Variants in WDPCP observed in about 807,000 individuals in gnomAD.
WDPCP encodes WD repeat-containing and planar cell polarity effector protein fritz homolog.
WDPCP carries 71 observed loss-of-function variants against 93.1 expected under a neutral mutation model. The observed-to-expected ratio is 0.76, with a 90% confidence interval of 0.63 to 0.93. The LOEUF (loss-of-function observed/expected upper bound fraction) is 0.93, where lower values mean the gene tolerates loss of function less well. Ranked by LOEUF, WDPCP falls within the 40% of genes least tolerant of loss-of-function variation. The probability of loss-of-function intolerance (pLI) is 0.00; values close to 1 mark genes in which losing one functional copy is unlikely to be tolerated. For missense variants in WDPCP, 844 were observed against 887.4 expected, an observed-to-expected ratio of 0.95 and a Z score of 0.62; for synonymous variants, 315 against 315.0, an observed-to-expected ratio of 1.00 and a Z score of 0.00.
At chr2:63,767,671 G>T (rs1254393762) in intron 2 of WDPCP, among the ~76,000 whole-genome samples, 1 of 151,992 alleles carries the variant, frequency 6.6e-6, no homozygotes, top group African/African-American at 2.4e-5. Flanking sequence ...TATCTTATCT[G>T]TAGGTTTATT....
chr2:63,332,634 A>C (rs913676019), intron 12 of WDPCP, among the ~76,000 whole-genome samples: 4 of 152,182 alleles, frequency 2.6e-5, no homozygotes, highest in Admixed American at 2.0e-4. Flanking sequence ...ACAATACTCT[A>C]ATCAGATACT....
intron 13 of WDPCP, among the ~76,000 whole-genome samples, chr2:63,278,393 G>C (rs1231261824): frequency 1.3e-5 from 2 of 152,030 alleles, no homozygotes; most frequent in African/African-American, 2.4e-5. Flanking sequence ...ACCAGCAGAA[G>C]AAAAGAAGTA....
chr2:63,481,033 T>C (rs558088801), intron 6 of WDPCP, among the ~76,000 whole-genome samples: 1 of 150,808 alleles, frequency 6.6e-6, no homozygotes, highest in Non-Finnish European at 1.5e-5. Flanking sequence ...CTCAAACAAA[T>C]CAGTAAGAAA....
chr2:63,440,956 T>C (rs1229513976), intron 6 of WDPCP: 1 of 152,172 alleles, frequency 6.6e-6, no homozygotes. Flanking sequence ...ACCAGGGTAA[T>C]ATAAAGACAG....
chr2:63,420,534 CA>C (rs11287367), intron 9 of WDPCP, among the ~76,000 whole-genome samples: 46,641 of 123,126 alleles, frequency 0.38, 8,188 homozygotes, highest in East Asian at 0.67. Flanking sequence ...AACTCCATCT[CA>C]AAAAAAAAAA....
At chr2:63,326,160 C>T (rs1300379764) in intron 12 of WDPCP, among the ~76,000 whole-genome samples, 1 of 152,224 alleles carries the variant, frequency 6.6e-6, no homozygotes, top group African/African-American at 2.4e-5. Flanking sequence ...ATAACAGGCG[C>T]TACTCCTTGA....
intron 1 of WDPCP, among the ~76,000 whole-genome samples, chr2:63,526,223 C>G (rs1038013982): frequency 6.6e-6 from 1 of 152,150 alleles, no homozygotes; most frequent in Non-Finnish European, 1.5e-5. Flanking sequence ...TCTACTTTCA[C>G]GTACAGTTGT....
At chr2:63,358,475 C>G (rs1217606932) in intron 12 of WDPCP, among the ~76,000 whole-genome samples, 2 of 152,114 alleles carry the variant, frequency 1.3e-5, no homozygotes, top group Admixed American at 1.3e-4. Flanking sequence ...AGATCTCTTA[C>G]TCTTTGGTAG....
At chr2:63,381,803 A>T in intron 11 of WDPCP, 103 bp downstream of exon 11, 1 of 1,195,600 alleles carries the variant, frequency 8.4e-7, no homozygotes. Context: ...TTTATCATTT[A>T]ATCTCCAATA....
At chr2:63,230,550 C>T (rs1183614701) in intron 14 of WDPCP, among the ~76,000 whole-genome samples, 5 of 152,252 alleles carry the variant, frequency 3.3e-5, no homozygotes, top group African/African-American at 1.2e-4. Flanking sequence ...TACAGTCCCA[C>T]CAACAGTGTA....
chr2:63,412,662 G>C (rs1476685955), intron 9 of WDPCP, among the ~76,000 whole-genome samples: 7 of 151,958 alleles, frequency 4.6e-5, no homozygotes, highest in Non-Finnish European at 8.8e-5. Flanking sequence ...TCCTAGAACT[G>C]ATAAAAGAAT....
chr2:63,240,341 C>T (rs916512929), intron 14 of WDPCP, among the ~76,000 whole-genome samples: 2 of 152,034 alleles, frequency 1.3e-5, no homozygotes, highest in African/African-American at 4.8e-5. Context: ...CCACCCCGAG[C>T]TAGCTTTAAA....
chr2:63,671,055 C>T (rs2106635193), intron 2 of WDPCP, among the ~76,000 whole-genome samples: 2 of 152,296 alleles, frequency 1.3e-5, no homozygotes, highest in East Asian at 3.9e-4. Flanking sequence ...TGTCCCTACT[C>T]AGGCTCAGCT....
intron 3 of WDPCP, among the ~76,000 whole-genome samples, chr2:63,644,362 G>A (rs1710022888): frequency 1.3e-5 from 2 of 150,266 alleles, no homozygotes; most frequent in South Asian, 4.2e-4. Flanking sequence ...CTCTGCCTCA[G>A]GTTCCCGAGT....
chr2:63,678,673 C>A (rs1001335267), intron 2 of WDPCP, among the ~76,000 whole-genome samples: 1 of 152,212 alleles, frequency 6.6e-6, no homozygotes, highest in African/African-American at 2.4e-5. Context: ...TGCACTTGTG[C>A]AAGAGTTGGG....
intron 13 of WDPCP, among the ~76,000 whole-genome samples, chr2:63,307,021 G>C (rs1446681346): frequency 1.3e-5 from 2 of 152,162 alleles, no homozygotes; most frequent in East Asian, 3.8e-4. Flanking sequence ...ATCTCCTTAA[G>C]CTGATAAGCA....
intron 3 of WDPCP, among the ~76,000 whole-genome samples, chr2:63,609,495 C>A (rs1051860036): frequency 6.6e-6 from 1 of 152,154 alleles, no homozygotes; most frequent in African/African-American, 2.4e-5. Flanking sequence ...TACCTTCTAT[C>A]CACTTTATAT....
At chr2:63,472,248 C>A (rs1050654761) in intron 6 of WDPCP, among the ~76,000 whole-genome samples, 13 of 151,504 alleles carry the variant, frequency 8.6e-5, no homozygotes, top group Middle Eastern at 3.4e-3. Flanking sequence ...AACAAAAATG[C>A]CTTTTCTAAA....
intron 2 of WDPCP, among the ~76,000 whole-genome samples, chr2:63,678,899 G>A (rs1209169003): frequency 6.6e-6 from 1 of 152,172 alleles, no homozygotes; most frequent in African/African-American, 2.4e-5. Context: ...GGTGGCCGGA[G>A]CTACCTGATC....
Sources: allele counts gnomAD v4.1 joint callset (sites outside exome capture counted in the v4.1 genomes callset), GRCh38; gene constraint gnomAD v4.1.1; transcripts MANE v1.5; gene names NCBI Gene and HGNC (gene_info 2026-07-23, HGNC 2026-07-21).